The following SNAPC3 variants were observed in gnomAD, a reference collection of about 807,000 sequenced individuals.
SNAPC3 encodes the protein small nuclear RNA activating complex polypeptide 3.
Under a neutral mutation model 47.7 loss-of-function variants are expected in SNAPC3, and 56 were observed. That is an observed-to-expected ratio of 1.18 (90% CI 0.95 to 1.47). The LOEUF (loss-of-function observed/expected upper bound fraction) is 1.47. Among genes scored for constraint, SNAPC3 ranks in the 40% most tolerant of loss-of-function variants. The pLI is 0.00. For synonymous variants in SNAPC3, 235 were observed against 189.9 expected, an observed-to-expected ratio of 1.24 and a Z score of -1.95; for missense variants, 665 against 511.3, an observed-to-expected ratio of 1.30 and a Z score of -2.90.
At chr9:15,454,858 C>G (rs1445744870) in intron 7 of SNAPC3, among the ~76,000 whole-genome samples, 1 of 152,068 alleles carries the variant, frequency 6.6e-6, no homozygotes, top group Non-Finnish European at 1.5e-5. Flanking sequence ...GGCGTGAACC[C>G]GGGAGGTGGA....
intron 2 of SNAPC3, chr9:15,431,821 G>A (rs6474919): frequency 6.7e-6 from 1 of 149,850 alleles, no homozygotes; most frequent in Admixed American, 6.6e-5. Context: ...TATTACGGAT[G>A]TGTAATATAA....
chr9:15,464,284 A>G (rs745727633), downstream of SNAPC3: 1 of 195,232 alleles, frequency 5.1e-6, no homozygotes. Flanking sequence ...CAGAGGGTCA[A>G]CCACACAATG....
intron 6 of SNAPC3, among the ~76,000 whole-genome samples, chr9:15,451,799 C>G (rs1434042069): frequency 6.6e-6 from 1 of 151,908 alleles, no homozygotes; most frequent in Non-Finnish European, 1.5e-5. Flanking sequence ...ACTATTTTTT[C>G]TGCCTATCCA....
intron 2 of SNAPC3, among the ~76,000 whole-genome samples, chr9:15,427,096 C>A (rs898576351): frequency 2.0e-5 from 3 of 152,022 alleles, no homozygotes; most frequent in Admixed American, 2.0e-4. Context: ...TTTTTCTTTC[C>A]CACATCAAAT....
chr9:15,439,508 A>G (rs953386086), intron 3 of SNAPC3, among the ~76,000 whole-genome samples: 14 of 152,012 alleles, frequency 9.2e-5, no homozygotes, highest in African/African-American at 3.4e-4. Flanking sequence ...ACACATGCCA[A>G]AACATCTTAT....
intron 3 of SNAPC3, among the ~76,000 whole-genome samples, chr9:15,438,492 A>AT (rs887140458): frequency 2.3e-4 from 34 of 150,034 alleles, no homozygotes; most frequent in African/African-American, 5.1e-4. Flanking sequence ...TATAATTTTC[A>AT]TTTTTTTTGC....
At chr9:15,429,928 T>C (rs1372794718) in intron 2 of SNAPC3, among the ~76,000 whole-genome samples, 2 of 152,068 alleles carry the variant, frequency 1.3e-5, no homozygotes, top group African/African-American at 4.8e-5. Context: ...GAAACAAAAA[T>C]CAAGCAGGAG....
At chr9:15,434,279 T>C (rs1316909589) in intron 3 of SNAPC3, among the ~76,000 whole-genome samples, 1 of 152,208 alleles carries the variant, frequency 6.6e-6, no homozygotes, top group Non-Finnish European at 1.5e-5. Flanking sequence ...TCCATACCTG[T>C]TAAGCAATAA....
At chr9:15,433,701 G>A (rs2032457849) in intron 3 of SNAPC3, 65 bp downstream of exon 3, 3 of 1,002,588 alleles carry the variant, frequency 3.0e-6, no homozygotes, top group Non-Finnish European at 4.7e-6. Flanking sequence ...TTGGCTGAGG[G>A]TTAGTAATGA....
rs147446081 is a variant in SNAPC3 at position 15,446,208 on chromosome 9, G to A, written c.583-887G>A. Among the ~76,000 whole-genome samples, 156 of 152,252 alleles carry A rather than the reference G, an allele frequency of 1.0e-3. 1 individual carries two copies. The highest frequency in any genetic ancestry group is 3.4e-3 in the African/African-American group (143 of 41,560). Reference sequence around the variant, plus strand: ...GGCTGAGTATGTCAGTTGTACCCATGGGATTTTTGTTGGTTTGTTTGTTTT... The same window carrying A: ...GGCTGAGTATGTCAGTTGTACCCATAGGATTTTTGTTGGTTTGTTTGTTTT... On this transcript the variant is annotated intron_variant, in intron 4 of 8. Transcript: ENST00000380821.
downstream of SNAPC3, chr9:15,461,774 A>G (rs1403548962): frequency 6.6e-6 from 1 of 152,194 alleles, no homozygotes; most frequent in Non-Finnish European, 1.5e-5. Context: ...AGTTAAGTCC[A>G]TTGGCTTGGA....
rs754915037 is a variant in SNAPC3, at chr9:15,424,108, C to G, written c.392+122C>G. 46 of 484,630 alleles carry G rather than the reference C, an allele frequency of 9.5e-5. 1 individual carries two copies. In the East Asian group the frequency reaches 1.4e-3, roughly 15 times the overall value. The allele number at this position is 484,630 out of a possible 1,614,324, so 30.0% of individuals were successfully genotyped here. ...TACCCACCCCTTAAATTCAGCTGTTCTTAATATTTGACCATATTTACTTTA... is the reference window on the plus strand; with the variant it reads ...TACCCACCCCTTAAATTCAGCTGTTGTTAATATTTGACCATATTTACTTTA... On this transcript the variant is annotated intron_variant, in intron 2 of 8. Coordinates refer to ENST00000380821, the MANE Select transcript of SNAPC3 (RefSeq NM_001039697.2).
Position 15,444,648 on chromosome 9 carries a change from T to C in SNAPC3, c.524T>C (p.Ile175Thr). The C allele has an allele frequency of 6.2e-7, 1 of 1,613,178 alleles. No homozygotes were observed. The highest frequency in any genetic ancestry group is 8.5e-7 in the Non-Finnish European group (1 of 1,179,184). The change falls in exon 4 of 9, where the codon ATT (isoleucine) becomes ACT (threonine). Residue 175 changes from isoleucine to threonine, a missense_variant. Coordinates refer to ENST00000380821, the MANE Select transcript of SNAPC3 (RefSeq NM_001039697.2). ...GKKPENSADM[I>T]EEGELILSVN... ...AAGCCTGAAAATTCAGCAGACATGA[T>C]TGAAGAAGGGGAGCTTATCCTATCT... is the stretch of plus-strand genomic sequence containing the variant.
chr9:15,424,855 A>G (rs570222988), intron 2 of SNAPC3, among the ~76,000 whole-genome samples: 5 of 152,222 alleles, frequency 3.3e-5, no homozygotes, highest in African/African-American at 1.2e-4. Flanking sequence ...TTTCAACTCT[A>G]CTTGGGTTTT....
intron 5 of SNAPC3, among the ~76,000 whole-genome samples, chr9:15,447,815 C>A (rs2034066119): frequency 6.6e-6 from 1 of 152,144 alleles, no homozygotes; most frequent in Non-Finnish European, 1.5e-5. Flanking sequence ...AGGACCAATA[C>A]CCAACAAGGA....
chr9:15,464,288 C>T (rs13248), downstream of SNAPC3: 19,756 of 194,892 alleles, frequency 0.1, 2,772 homozygotes, highest in African/African-American at 0.34. Context: ...GGGTCAACCA[C>T]ACAATGTCAT....
rs765616120 is a variant in SNAPC3, at chr9:15,453,156, T to C, written c.931T>C (p.Tyr311His). 22 of 1,613,204 alleles carry C rather than the reference T, an allele frequency of 1.4e-5. No homozygotes were observed. The highest frequency in any genetic ancestry group is 2.7e-5 in the African/African-American group (2 of 74,930). The stretch of plus-strand genomic sequence containing the variant: ...TATTAAACTGGGTTTTCCTTACTTA[T>C]ACTGTCATCAGGGAGACTGTGAACA... The part of the protein sequence containing the change: ...LCIKLGFPYL[Y>H]CHQGDCEHVI... Residue 311 changes from tyrosine (Y) to histidine (H), a missense_variant, in exon 7 of 9, where the codon TAC (tyrosine) becomes CAC (histidine). Coordinates refer to ENST00000380821, the MANE Select transcript of SNAPC3 (RefSeq NM_001039697.2).
chr9:15,452,030 C>T (rs1289820708), intron 6 of SNAPC3, among the ~76,000 whole-genome samples: 2 of 152,118 alleles, frequency 1.3e-5, no homozygotes, highest in Admixed American at 6.5e-5. Context: ...GTGGCACGAT[C>T]TCAGCTCACT....
chr9:15,424,962 T>A (rs2031160362), intron 2 of SNAPC3, among the ~76,000 whole-genome samples: 1 of 152,194 alleles, frequency 6.6e-6, no homozygotes, highest in African/African-American at 2.4e-5. Flanking sequence ...TAAGTGTCTT[T>A]GATAAGTACA....
Sources: allele counts gnomAD v4.1 joint callset (sites outside exome capture counted in the v4.1 genomes callset), GRCh38; gene constraint gnomAD v4.1.1; transcripts MANE v1.5; gene names NCBI Gene and HGNC (gene_info 2026-07-23, HGNC 2026-07-21).